NOLC1: variants seen among roughly 807,000 people sequenced by gnomAD.
NOLC1 encodes the protein nucleolar and coiled-body phosphoprotein 1.
In NOLC1, 37 loss-of-function variants were observed where a neutral mutation model predicts 73.4. The observed-to-expected ratio is 0.50, with a 90% CI of 0.39 to 0.66. The LOEUF is 0.66. Among genes scored for constraint, NOLC1 ranks in the 30% least tolerant of loss-of-function variants. The pLI, the probability that NOLC1 is intolerant of heterozygous loss-of-function variation, is 0.00. For missense variants in NOLC1, 921 were observed against 838.9 expected (o/e 1.10, Z -1.21); for synonymous variants, 327 against 302.6 (o/e 1.08, Z -0.84).
Position 102,152,467 on chromosome 10 carries a change from C to G in NOLC1, c.57C>G (p.Leu19=). ...CCAGCGACCTGTATCCCCTCGTGCT[C>G]GGCTTCCTGCGCGATAACCAACTCT... is the stretch of plus-strand genomic sequence containing the variant. ...VVPSDLYPLV[L]GFLRDNQLSE... is the part of the protein sequence containing the mutation. Residue 19 remains leucine (L), a synonymous_variant, in exon 1 of 13, where the codon CTC becomes CTG. Transcript: ENST00000605788. 3 of 1,613,620 alleles carry G rather than the reference C, an allele frequency of 1.9e-6. No homozygotes were observed. Among genetic ancestry groups the G allele is most frequent in the Admixed American group, 3.3e-5 (2 of 60,038 alleles).
chr10:102,158,184 A>G lies in NOLC1; in HGVS notation c.577A>G (p.Lys193Glu). ...QKPKITPVTV[K>E]AQTKAPPKPA... Reference sequence around the variant, plus strand: ...GCCAAAGATAACACCTGTGACAGTTAAAGCTCAGACTAAAGCCCCTCCCAA... The same window carrying G: ...GCCAAAGATAACACCTGTGACAGTTGAAGCTCAGACTAAAGCCCCTCCCAA... The change falls in exon 5 of 13, where the codon AAA becomes GAA. Residue 193 changes from lysine to glutamate, a missense_variant. Physicochemically the swap from Lys to Glu is moderately conservative, Grantham distance 56 (BLOSUM62 1). Transcript: ENST00000605788. 6.2e-7 allele frequency: 1 copy of G among 1,614,162 alleles called. No homozygotes were observed. The highest frequency in any genetic ancestry group is 8.5e-7 in the Non-Finnish European group (1 of 1,180,004).
At position 102,161,631 on chromosome 10, in the gene NOLC1, A is replaced by AGTG. The variant is rs1564972873; in HGVS notation, c.1818_1819insTGG (p.Gln606_Thr607insTrp). 6.2e-7 allele frequency: 1 copy of AGTG among 1,613,910 alleles called. No homozygotes were observed. Among genetic ancestry groups the AGTG allele is most frequent in the Non-Finnish European group, 8.5e-7 (1 of 1,179,930 alleles). On this transcript the variant is annotated inframe_insertion, in exon 11 of 13. Coordinates refer to ENST00000605788, the MANE Select transcript of NOLC1 (RefSeq NM_004741.5). ...CCTCAGGCCAAGAAGATAAAGCTTC[A>AGTG]GACCCCTAACACATTTCCAAAAAGG...
At chr10:102,156,377 G>C (rs1008534697) in intron 1 of NOLC1, among the ~76,000 whole-genome samples, 1 of 151,732 alleles carries the variant, frequency 6.6e-6, no homozygotes, top group Non-Finnish European at 1.5e-5. Flanking sequence ...TTCCCAAAGT[G>C]CTGAGATAAC....
At chr10:102,156,752 T>G (rs570284995) in intron 1 of NOLC1, among the ~76,000 whole-genome samples, 1 of 152,134 alleles carries the variant, frequency 6.6e-6, no homozygotes, top group Non-Finnish European at 1.5e-5. Flanking sequence ...TTTTGTTTTG[T>G]TTTAGGACTT....
chr10:102,159,632 G>C (rs2069665993), intron 7 of NOLC1, 64 bp downstream of exon 7: 1 of 1,529,598 alleles, frequency 6.5e-7, no homozygotes, highest in East Asian at 2.3e-5. Flanking sequence ...GTAACCACAT[G>C]GACCTCTCCA....
intron 1 of NOLC1, among the ~76,000 whole-genome samples, chr10:102,156,214 C>T (rs1338326845): frequency 2.0e-5 from 3 of 152,132 alleles, no homozygotes; most frequent in Admixed American, 1.3e-4. Context: ...GTGTTTGTAC[C>T]CTCAAGTAAT....
intron 12 of NOLC1, 86 bp from the exon 13 acceptor site, chr10:102,162,025 T>C: frequency 6.2e-7 from 1 of 1,603,814 alleles, no homozygotes; most frequent in Non-Finnish European, 8.5e-7. Context: ...TGGGTTCAGG[T>C]TTCCTTGAGC....
Position 102,161,944 on chromosome 10 carries a change from C to T in NOLC1, c.1941+19C>T, listed in dbSNP as rs769572950. ...TGCCAAGGTGAGAGAGAGATCTGTG[C>T]CATTCTTGGGAGGGAGGATGGGTAG... On this transcript the variant is annotated intron_variant, in intron 12 of 12. Transcript: ENST00000605788. 4 of 1,611,574 alleles carry T rather than the reference C, an allele frequency of 2.5e-6. No individual in the cohort carries two copies. In the South Asian group the frequency reaches 4.4e-5, roughly 18 times the overall value.
Position 102,157,032 on chromosome 10 carries a change from C to G in NOLC1, c.134C>G (p.Ala45Gly). Residue 45 changes from alanine (A) to glycine (G), a missense_variant, in exon 2 of 13, where the codon GCC (alanine) becomes GGC (glycine). Transcript: ENST00000605788. The stretch of plus-strand genomic sequence containing the variant: ...TTTCTTCTACAGACACAGCAGGATG[C>G]CAATGCCTCTTCCCTCTTAGACATC... The part of the protein sequence containing the change: ...AKATGATQQD[A>G]NASSLLDIYS... 1 of 1,614,162 alleles carries G rather than the reference C, an allele frequency of 6.2e-7. No individual in the cohort carries two copies. The highest frequency in any genetic ancestry group is 8.5e-7 in the Non-Finnish European group (1 of 1,180,026).
At position 102,157,180 on chromosome 10, in the gene NOLC1, C is replaced by T. The variant is rs2069611453; in HGVS notation, c.177-9C>T. 3 of 1,614,012 alleles carry T rather than the reference C, an allele frequency of 1.9e-6. No individual in the cohort carries two copies. Among genetic ancestry groups the T allele is most frequent in the Non-Finnish European group, 2.5e-6 (3 of 1,179,966 alleles). On this transcript the variant is annotated splice_polypyrimidine_tract_variant and intron_variant, in intron 2 of 12. Coordinates refer to ENST00000605788, the MANE Select transcript of NOLC1 (RefSeq NM_004741.5). The stretch of plus-strand genomic sequence containing the variant: ...GTCCCCTAGAAATTGGTCCAATCTA[C>T]CTCAGCAGGTCTGCCAAGGTCCCAG...
chr10:102,157,391 C>G (rs755868802), intron 3 of NOLC1, 40 bp from the exon 4 acceptor site: 1 of 1,613,696 alleles, frequency 6.2e-7, no homozygotes. Flanking sequence ...CTGCTTGTTT[C>G]ACATGGCTGA....
At chr10:102,153,269 C>T (rs186541456) in intron 1 of NOLC1, among the ~76,000 whole-genome samples, 19 of 152,316 alleles carry the variant, frequency 1.2e-4, no homozygotes, top group Admixed American at 8.5e-4. Flanking sequence ...GTAGCAATCT[C>T]AGTGCTGGTA....
In NOLC1 at chr10:102,158,118, T is replaced by C. The variant is rs746716364; in HGVS notation, c.511T>C (p.Ser171Pro). ...PKKAKSSDSD[S>P]DSSSEDEPPK... The stretch of plus-strand genomic sequence containing the variant: ...GAAGGCCAAGAGCTCTGATTCTGAT[T>C]CTGACTCAAGCTCCGAGGATGAGCC... The change falls in exon 5 of 13, where the codon TCT becomes CCT. Residue 171 changes from serine to proline, a missense_variant. Coordinates refer to ENST00000605788, the MANE Select transcript of NOLC1 (RefSeq NM_004741.5). 1 of 1,614,024 alleles carries C rather than the reference T, an allele frequency of 6.2e-7. No homozygotes were observed. Among genetic ancestry groups the C allele is most frequent in the African/African-American group, 1.3e-5 (1 of 74,908 alleles).
rs367969099 is a variant in NOLC1, at chr10:102,161,680, C to G, written c.1848+18C>G. On this transcript the variant is annotated intron_variant, in intron 11 of 12. Coordinates refer to ENST00000605788, the MANE Select transcript of NOLC1 (RefSeq NM_004741.5). ...GGAAGAAAGTAAGTTGTCTCACTTT[C>G]TTCTCAGGAGCCAGCTCTTTAAAAG... 1.9e-6 allele frequency: 3 copies of G among 1,600,208 alleles called. No individual in the cohort carries two copies. The highest frequency in any genetic ancestry group is 1.7e-4 in the Middle Eastern group (1 of 6,038).
chr10:102,161,897 G>C lies in NOLC1; in HGVS notation c.1913G>C (p.Arg638Pro). The C allele has an allele frequency of 6.2e-7, 1 of 1,614,116 alleles. No homozygotes were observed. Among genetic ancestry groups the C allele is most frequent in the Non-Finnish European group, 8.5e-7 (1 of 1,180,024 alleles). Residue 638 changes from arginine to proline, a missense_variant, in exon 12 of 13, where the codon CGA (arginine) becomes CCA (proline). Coordinates refer to ENST00000605788, the MANE Select transcript of NOLC1 (RefSeq NM_004741.5). ...VREEEIEVDS[R>P]VADNSFDAKR... is the part of the protein sequence containing the mutation. ...GAGGAGGAAATTGAGGTGGATTCAC[G>C]AGTTGCGGACAACTCCTTTGATGCC...
At chr10:102,153,025 T>C (rs939463532) in intron 1 of NOLC1, among the ~76,000 whole-genome samples, 1 of 152,218 alleles carries the variant, frequency 6.6e-6, no homozygotes, top group African/African-American at 2.4e-5. Context: ...AGCAGAGTTT[T>C]GTTTTGAGTT....
At chr10:102,152,662 C>A in intron 1 of NOLC1, 132 bp downstream of exon 1, 1 of 1,287,664 alleles carries the variant, frequency 7.8e-7, no homozygotes, top group East Asian at 2.5e-5. Context: ...TTACGCCGAC[C>A]CCTCGGCAGT....
Position 102,159,897 on chromosome 10 carries a change from T to G in NOLC1, c.861T>G (p.Gly287=), listed in dbSNP as rs772433042. The change falls in exon 8 of 13, where the codon GGT becomes GGG. Residue 287 remains glycine (G), a splice_region_variant and synonymous_variant. Coordinates refer to ENST00000605788, the MANE Select transcript of NOLC1 (RefSeq NM_004741.5). The part of the protein sequence containing the change: ...EQKKPMKNKP[G]PYSSVPPPSA... ...CATCACACTATCCTTTTTAAACAGG[T>G]CCCTACAGTTCAGTCCCCCCGCCTT... The G allele has an allele frequency of 6.3e-7, 1 of 1,576,502 alleles. No individual in the cohort carries two copies. The highest frequency in any genetic ancestry group is 8.6e-7 in the Non-Finnish European group (1 of 1,163,378).
In NOLC1 at chr10:102,160,933, G is replaced by A. The variant is rs1236598310; in HGVS notation, c.1581G>A (p.Glu527=). 6.2e-7 allele frequency: 1 copy of A among 1,614,160 alleles called. No individual in the cohort carries two copies. The highest frequency in any genetic ancestry group is 1.7e-5 in the Admixed American group (1 of 60,028). ...SNSSSSDDSS[E]EEEEKLKGKG... ...GTTCTTCTTCTGATGACTCCAGTGAGGAAGAGGAAGAGAAGCTCAAGGGCA... is the reference window on the plus strand; with the variant it reads ...GTTCTTCTTCTGATGACTCCAGTGAAGAAGAGGAAGAGAAGCTCAAGGGCA... The change falls in exon 10 of 13, where the codon GAG becomes GAA. Residue 527 remains glutamate, a synonymous_variant. Coordinates refer to ENST00000605788, the MANE Select transcript of NOLC1 (RefSeq NM_004741.5).
Sources: gnomAD v4.1 joint callset for allele counts (sites outside exome capture counted in the v4.1 genomes callset) on GRCh38, gnomAD v4.1.1 for gene constraint, MANE v1.5 for transcripts, NCBI Gene and HGNC (gene_info 2026-07-23, HGNC 2026-07-21) for gene names.